The following SMCO4 variants were observed in gnomAD, a reference collection of about 807,000 sequenced individuals.
The protein encoded by SMCO4 is single-pass membrane protein with coiled-coil domains 4.
SMCO4 carries 4 observed loss-of-function variants against 3.6 expected under a neutral mutation model. The observed-to-expected ratio is 1.11, with a 90% CI of 0.54 to 2.53. SMCO4 has a LOEUF of 2.53. Among genes scored for constraint, SMCO4 ranks in the 30% most tolerant of loss-of-function variants. SMCO4 has a pLI of 0.02. For synonymous variants in SMCO4, 36 were observed against 35.3 expected (o/e 1.02, Z -0.07); for missense variants, 70 against 80.8 (o/e 0.87, Z 0.51).
intron 1 of SMCO4, among the ~76,000 whole-genome samples, chr11:93,518,238 A>C (rs1949026629): frequency 6.6e-6 from 1 of 152,222 alleles, no homozygotes; most frequent in Non-Finnish European, 1.5e-5. Context: ...TACAAATAAC[A>C]TGTTCTTGCG....
chr11:93,538,626 C>A (rs907334015), intron 1 of SMCO4, among the ~76,000 whole-genome samples: 1 of 152,186 alleles, frequency 6.6e-6, no homozygotes, highest in Non-Finnish European at 1.5e-5. Flanking sequence ...AAAGGAGGCA[C>A]TTTTGGTTTC....
At chr11:93,479,358 T>C in intron 2 of SMCO4, 89 bp from the exon 3 acceptor site, 2 of 1,210,994 alleles carry the variant, frequency 1.7e-6, no homozygotes, top group Non-Finnish European at 2.2e-6. Flanking sequence ...CTAGGAAAAA[T>C]ATCTGCAACT....
At chr11:93,547,401 A>G (rs747456700), upstream of SMCO4, among the ~76,000 whole-genome samples, 1 of 152,232 alleles carries the variant, frequency 6.6e-6, no homozygotes, top group Non-Finnish European at 1.5e-5. Context: ...TGTCCACTAC[A>G]TAATCTCTCG....
At chr11:93,543,244 C>G (rs1358837041) in intron 1 of SMCO4, 32 bp downstream of exon 1, 1 of 145,894 alleles carries the variant, frequency 6.9e-6, no homozygotes, top group Non-Finnish European at 1.5e-5. Context: ...GCCCGCCCCG[C>G]CGCCGCCGCC....
chr11:93,510,393 G>C (rs906902849), intron 1 of SMCO4, among the ~76,000 whole-genome samples: 51 of 152,276 alleles, frequency 3.3e-4, no homozygotes, highest in African/African-American at 1.2e-3. Context: ...AACTGCCCTT[G>C]ACCAACCAAG....
At chr11:93,545,606 A>G (rs571196113), upstream of SMCO4, among the ~76,000 whole-genome samples, 363 of 151,198 alleles carry the variant, frequency 2.4e-3, 2 homozygotes, top group African/African-American at 7.9e-3. Context: ...AAAAAAAAAA[A>G]AAAGAGAGAG....
chr11:93,533,209 G>A (rs1299205131), intron 1 of SMCO4, among the ~76,000 whole-genome samples: 1 of 152,190 alleles, frequency 6.6e-6, no homozygotes, highest in African/African-American at 2.4e-5. Context: ...TACATGGTGT[G>A]GTGGGAAAGA....
chr11:93,521,538 C>T (rs1591322114), intron 1 of SMCO4, among the ~76,000 whole-genome samples: 1 of 152,308 alleles, frequency 6.6e-6, no homozygotes, highest in Non-Finnish European at 1.5e-5. Flanking sequence ...AACCATGACA[C>T]TGCACAAACA....
At chr11:93,528,643 C>T (rs1203132783) in intron 1 of SMCO4, among the ~76,000 whole-genome samples, 3 of 55,884 alleles carry the variant, frequency 5.4e-5, no homozygotes, top group Admixed American at 1.2e-4. Flanking sequence ...ACCAGGGAGA[C>T]AGTGCAAGGG....
At chr11:93,502,590 C>A (rs965333350) in intron 1 of SMCO4, among the ~76,000 whole-genome samples, 23 of 152,266 alleles carry the variant, frequency 1.5e-4, no homozygotes, top group African/African-American at 5.5e-4. Flanking sequence ...AAAACAGGTA[C>A]TCTCATCATT....
chr11:93,544,638 T>A (rs532775055), upstream of SMCO4, among the ~76,000 whole-genome samples: 1 of 152,048 alleles, frequency 6.6e-6, no homozygotes, highest in African/African-American at 2.4e-5. Flanking sequence ...ACTTAAGGCT[T>A]TTTTTTTCAT....
rs72966970 is a variant in SMCO4, at chr11:93,541,904, A to G, written c.-154+1372T>C. Among the ~76,000 whole-genome samples, 895 of 152,296 alleles carry G rather than the reference A, an allele frequency of 5.9e-3. 8 individuals are homozygous for G. Among genetic ancestry groups the G allele is most frequent in the South Asian group, 0.011 (53 of 4,824 alleles). On this transcript the variant is annotated intron_variant, in intron 1 of 2. Coordinates refer to ENST00000298966, the MANE Select transcript of SMCO4 (RefSeq NM_020179.3). ...AGAAACCTACTCCTGTCTACATCACACTGTCGAGCTCTCTCTTTATACCCC... is the reference window on the plus strand; with the variant it reads ...AGAAACCTACTCCTGTCTACATCACGCTGTCGAGCTCTCTCTTTATACCCC...
intron 1 of SMCO4, among the ~76,000 whole-genome samples, chr11:93,539,483 A>T (rs1446965296): frequency 6.6e-6 from 1 of 152,216 alleles, no homozygotes; most frequent in Non-Finnish European, 1.5e-5. Context: ...CCAAAGATTT[A>T]GGAAGATGAC....
chr11:93,492,198 G>A (rs969994176), intron 2 of SMCO4, among the ~76,000 whole-genome samples: 3 of 152,184 alleles, frequency 2.0e-5, no homozygotes, highest in African/African-American at 7.2e-5. Context: ...AACAGTTGCT[G>A]AGCACCAGTG....
At chr11:93,511,500 G>A (rs759421826) in intron 1 of SMCO4, among the ~76,000 whole-genome samples, 3 of 152,136 alleles carry the variant, frequency 2.0e-5, no homozygotes, top group Non-Finnish European at 4.4e-5. Context: ...TGTCTGTGTG[G>A]GTTTTCTCCA....
intron 1 of SMCO4, among the ~76,000 whole-genome samples, chr11:93,527,530 C>T (rs552641441): frequency 1.3e-5 from 2 of 152,298 alleles, no homozygotes; most frequent in East Asian, 1.9e-4. Context: ...GATCACAGCT[C>T]ACTGCAACTT....
chr11:93,533,957 T>C (rs983735707), intron 1 of SMCO4, among the ~76,000 whole-genome samples: 5 of 151,990 alleles, frequency 3.3e-5, no homozygotes, highest in Middle Eastern at 3.2e-3. Flanking sequence ...GAGGCCAAGG[T>C]GGGCAGATCA....
At chr11:93,506,469 C>T (rs1313574205) in intron 1 of SMCO4, among the ~76,000 whole-genome samples, 1 of 148,364 alleles carries the variant, frequency 6.7e-6, no homozygotes, top group Non-Finnish European at 1.5e-5. Flanking sequence ...GATGGAGTCT[C>T]GCTCTGTCGC....
the SMCO4 span, among the ~76,000 whole-genome samples, chr11:93,548,570 A>G: frequency 1.3e-5 from 2 of 152,112 alleles, no homozygotes; most frequent in African/African-American, 2.4e-5. Flanking sequence ...GGTTAAGGGG[A>G]CTTCACTGCC....
Sources: allele counts gnomAD v4.1 joint callset (sites outside exome capture counted in the v4.1 genomes callset), GRCh38; gene constraint gnomAD v4.1.1; transcripts MANE v1.5; gene names NCBI Gene and HGNC (gene_info 2026-07-23, HGNC 2026-07-21).